The following TNIP1 variants were observed in gnomAD, a reference collection of about 807,000 sequenced individuals.
TNIP1 encodes the protein TNFAIP3 interacting protein 1, also known as TNFAIP3-interacting protein 1.
In TNIP1, 22 loss-of-function variants were observed where a neutral mutation model predicts 86.6. The ratio of observed to expected loss-of-function variants is 0.25; its 90% CI spans 0.18 to 0.36. The LOEUF (loss-of-function observed/expected upper bound fraction) is 0.36. Among genes scored for constraint, TNIP1 ranks in the 10% least tolerant of loss-of-function variants. The pLI, the probability that TNIP1 is intolerant of heterozygous loss-of-function variation, is 1.00. For missense variants in TNIP1, 709 were observed against 820.6 expected, an observed-to-expected ratio of 0.86 and a Z score of 1.66; for synonymous variants, 294 against 313.0, an observed-to-expected ratio of 0.94 and a Z score of 0.64.
At position 151,033,592 on chromosome 5, in the gene TNIP1, A is replaced by G; in HGVS notation, c.1779+16T>C. 7.4e-7 allele frequency: 1 copy of G among 1,348,964 alleles called. No individual in the cohort carries two copies. The highest frequency in any genetic ancestry group is 9.7e-7 in the Non-Finnish European group (1 of 1,027,310). The allele number at this position is 1,348,964 out of a possible 1,614,324, so 83.6% of individuals were successfully genotyped here. On this transcript the variant is annotated intron_variant, in intron 16 of 17. Coordinates refer to ENST00000521591, the MANE Select transcript of TNIP1 (RefSeq NM_006058.5). Reference sequence around the variant, plus strand: ...CTCTGTGTGTGCCCTGGAGCAAGGGAGGGACACAGACTCACCAGATGGAAG... The same window carrying G: ...CTCTGTGTGTGCCCTGGAGCAAGGGGGGGACACAGACTCACCAGATGGAAG...
At chr5:151,057,668 G>C (rs1249161209) in intron 5 of TNIP1, among the ~76,000 whole-genome samples, 2 of 152,168 alleles carry the variant, frequency 1.3e-5, no homozygotes, top group Admixed American at 1.3e-4. Flanking sequence ...AGTGAGCAGA[G>C]ATCGCACCAC....
In TNIP1 at chr5:151,030,501, C is replaced by T; in HGVS notation, c.*212G>A. 1.4e-6 allele frequency: 1 copy of T among 694,756 alleles called. No individual in the cohort carries two copies. Among genetic ancestry groups the T allele is most frequent in the Non-Finnish European group, 2.4e-6 (1 of 422,490 alleles). The allele number at this position is 694,756 out of a possible 1,614,324, so 43.0% of individuals were successfully genotyped here. A position where few individuals can be genotyped will look rare whatever the true frequency, so the allele number is the denominator to read the frequency against. On this transcript the variant is annotated 3_prime_UTR_variant, in exon 18 of 18. Transcript: ENST00000521591. The stretch of plus-strand genomic sequence containing the variant: ...GGAAGGAGTTTTTCCCAGTCACTCC[C>T]AGCAGAGTACAAATGAAAGCCTTCT...
intron 5 of TNIP1, among the ~76,000 whole-genome samples, chr5:151,058,390 A>G (rs941717669): frequency 6.6e-6 from 1 of 152,216 alleles, no homozygotes; most frequent in Non-Finnish European, 1.5e-5. Flanking sequence ...CTTTCTCTCT[A>G]GTCTATCTGG....
chr5:151,053,080 A>G (rs2113566259), intron 6 of TNIP1, among the ~76,000 whole-genome samples: 1 of 151,038 alleles, frequency 6.6e-6, no homozygotes, highest in Non-Finnish European at 1.5e-5. Context: ...CCTCCTCTAC[A>G]AAAGAAAGAC....
intron 5 of TNIP1, among the ~76,000 whole-genome samples, 174 bp from the exon 6 acceptor site, chr5:151,057,131 G>A (rs1561852158): frequency 6.6e-6 from 1 of 152,228 alleles, no homozygotes. Flanking sequence ...TGACTCACAG[G>A]GCAGAACCCA....
chr5:151,067,428 G>A (rs961579957), intron 1 of TNIP1, among the ~76,000 whole-genome samples: 6 of 152,216 alleles, frequency 3.9e-5, no homozygotes, highest in African/African-American at 1.2e-4. Flanking sequence ...TTGTATTCCT[G>A]TCGGGAGCAC....
intron 1 of TNIP1, among the ~76,000 whole-genome samples, chr5:151,067,221 G>C (rs530910813): frequency 6.4e-4 from 97 of 152,358 alleles, no homozygotes; most frequent in African/African-American, 2.2e-3. Context: ...CTAAGAAACA[G>C]TGTGGGGGCT....
In TNIP1 at chr5:151,063,725, C is replaced by G. The variant is rs765216323; in HGVS notation, c.159G>C (p.Gln53His). ...KMLGELLEES[Q>H]MEATRLRQKA... The stretch of plus-strand genomic sequence containing the variant: ...TCTGCCGGAGCCTGGTCGCTTCCAT[C>G]TGGGACTCTTCCAAAAGCTCCCCTA... Residue 53 changes from glutamine to histidine, a missense_variant, in exon 3 of 18, where the codon CAG becomes CAC. By Grantham distance (24) the Gln-to-His change is conservative. Transcript: ENST00000521591. The G allele has an allele frequency of 5.6e-6, 9 of 1,613,914 alleles. No individual in the cohort carries two copies. Among genetic ancestry groups the G allele is most frequent in the Admixed American group, 3.3e-5 (2 of 59,992 alleles).
At position 151,064,965 on chromosome 5, in the gene TNIP1, A is replaced by G. The variant is rs766306204; in HGVS notation, c.131T>C (p.Met44Thr). 1 of 1,614,004 alleles carries G rather than the reference A, an allele frequency of 6.2e-7. No individual in the cohort carries two copies. Among genetic ancestry groups the G allele is most frequent in the Admixed American group, 1.7e-5 (1 of 60,012 alleles). ...RLKEKMQGIK[M>T]LGELLEESQM... The stretch of plus-strand genomic sequence containing the variant: ...GGGGACAGGGTCTGCTTTACCTAAC[A>G]TCTTTATCCCTTGCATTTTTTCCTT... Residue 44 changes from methionine (M) to threonine (T), a missense_variant, in exon 2 of 18, where the codon ATG becomes ACG. By Grantham distance (81) the Met-to-Thr change is moderately conservative. Transcript: ENST00000521591.
intron 1 of TNIP1, among the ~76,000 whole-genome samples, chr5:151,074,190 T>C (rs943728211): frequency 2.0e-5 from 3 of 152,158 alleles, no homozygotes; most frequent in Non-Finnish European, 4.4e-5. Flanking sequence ...GGGGGGTTTT[T>C]CCCCAATAAT....
rs757573059 is a variant in TNIP1, at chr5:151,035,100, G to A, written c.1522-33C>T. 6.9e-6 allele frequency: 11 copies of A among 1,605,706 alleles called. 1 individual carries two copies. Among genetic ancestry groups the A allele is most frequent in the South Asian group, 5.6e-5 (5 of 89,922 alleles). ...AAGAAGGGAGGGAGAAAAGACTGTC[G>A]GCACAGGTGGTTTCTGGCCAGGCCT... On this transcript the variant is annotated intron_variant, in intron 14 of 17. Transcript: ENST00000521591.
At chr5:151,036,968 C>T (rs780822138) in intron 12 of TNIP1, 47 bp from the exon 13 acceptor site, 4 of 1,542,750 alleles carry the variant, frequency 2.6e-6, no homozygotes, top group South Asian at 2.5e-5. Flanking sequence ...CCCTGGAAAT[C>T]AGGGCCCTTT....
chr5:151,033,905 G>T, intron 15 of TNIP1, 106 bp from the exon 16 acceptor site: 2 of 1,027,382 alleles, frequency 1.9e-6, no homozygotes, highest in South Asian at 5.2e-5. Flanking sequence ...CTAGCAGGCT[G>T]GGTACCAAAG....
intron 5 of TNIP1, among the ~76,000 whole-genome samples, chr5:151,057,606 A>G (rs1376975221): frequency 6.6e-6 from 1 of 152,144 alleles, no homozygotes; most frequent in Non-Finnish European, 1.5e-5. Flanking sequence ...AATCCCAGCT[A>G]CTTGGGAGGC....
At chr5:151,051,691 T>C (rs1342496405) in intron 7 of TNIP1, among the ~76,000 whole-genome samples, 1 of 152,202 alleles carries the variant, frequency 6.6e-6, no homozygotes, top group Non-Finnish European at 1.5e-5. Flanking sequence ...CAATTCAGAA[T>C]CTTGCAAAGG....
Position 151,080,978 on chromosome 5 carries a change from T to C in TNIP1, c.-135A>G, listed in dbSNP as rs10067322. On this transcript the variant is annotated 5_prime_UTR_variant, in exon 1 of 18. Coordinates refer to ENST00000521591, the MANE Select transcript of TNIP1 (RefSeq NM_006058.5). ...GCCCGGGCAAGGCTCCGGCCCCCCGTAGCACTCCTAGGGCTCCTGGACGGG... is the reference window on the plus strand; with the variant it reads ...GCCCGGGCAAGGCTCCGGCCCCCCGCAGCACTCCTAGGGCTCCTGGACGGG... 7 of 151,810 alleles carry C rather than the reference T, an allele frequency of 4.6e-5. No homozygotes were observed. The highest frequency in any genetic ancestry group is 1.7e-4 in the African/African-American group (7 of 41,334). The allele number at this position is 151,810 out of a possible 1,614,324, so 9.4% of individuals were successfully genotyped here.
rs752743101 is a variant in TNIP1 at position 151,063,619 on chromosome 5, G to C, written c.265C>G (p.Leu89Val). The C allele has an allele frequency of 1.2e-5, 20 of 1,613,944 alleles. No individual in the cohort carries two copies. The highest frequency in any genetic ancestry group is 1.6e-5 in the Non-Finnish European group (19 of 1,179,974). The change falls in exon 3 of 18, where the codon CTC becomes GTC. Residue 89 changes from leucine to valine, a missense_variant. Leu to Val is a conservative substitution (Grantham distance 32, BLOSUM62 1). Coordinates refer to ENST00000521591, the MANE Select transcript of TNIP1 (RefSeq NM_006058.5). ...ACCCAGACTCCTCTTATACCTGTGA[G>C]CTCAGCCAGGGGGTCGAAGGAGCCC... The part of the protein sequence containing the change: ...SLGSFDPLAE[L>V]TGKDSNVTAS...
At chr5:151,047,257 C>T (rs774443140) in intron 8 of TNIP1, among the ~76,000 whole-genome samples, 3 of 152,206 alleles carry the variant, frequency 2.0e-5, no homozygotes, top group African/African-American at 4.8e-5. Flanking sequence ...GAGATTCTTG[C>T]CAAAACACGT....
upstream of TNIP1, among the ~76,000 whole-genome samples, chr5:151,082,882 A>C (rs1257825309): frequency 6.6e-6 from 1 of 152,188 alleles, no homozygotes; most frequent in Non-Finnish European, 1.5e-5. Flanking sequence ...GTTTGTCTTC[A>C]GGACATTCCA....
Sources: allele counts gnomAD v4.1 joint callset (sites outside exome capture counted in the v4.1 genomes callset), GRCh38; gene constraint gnomAD v4.1.1; transcripts MANE v1.5; gene names NCBI Gene and HGNC (gene_info 2026-07-23, HGNC 2026-07-21).